XYLT1: variants seen among roughly 807,000 people sequenced by gnomAD.
XYLT1 encodes beta-D-xylosyltransferase 1.
XYLT1 carries 36 observed loss-of-function variants against 91.3 expected under a neutral mutation model. The observed-to-expected ratio is 0.39, with a 90% confidence interval of 0.30 to 0.52. The LOEUF is 0.52. Among genes scored for constraint, XYLT1 ranks in the 20% least tolerant of loss-of-function variants. The probability of loss-of-function intolerance (pLI) is 0.68; values close to 1 mark genes in which losing one functional copy is unlikely to be tolerated. For synonymous variants in XYLT1, 588 were observed against 532.0 expected (o/e 1.11, Z -1.45); for missense variants, 1,242 against 1,284.5 (o/e 0.97, Z 0.51).
At chr16:17,299,629 C>T (rs2034364563) in intron 2 of XYLT1, among the ~76,000 whole-genome samples, 1 of 152,158 alleles carries the variant, frequency 6.6e-6, no homozygotes, top group Admixed American at 6.5e-5. Flanking sequence ...TTAGCCTTGA[C>T]TCTGCCATAG....
chr16:17,233,803 G>C (rs1446388488), intron 3 of XYLT1, among the ~76,000 whole-genome samples: 2 of 152,174 alleles, frequency 1.3e-5, no homozygotes, highest in Non-Finnish European at 2.9e-5. Context: ...GCCTACTCCA[G>C]GCATTGACAT....
At chr16:17,209,780 G>C (rs2032724533) in intron 3 of XYLT1, among the ~76,000 whole-genome samples, 1 of 152,246 alleles carries the variant, frequency 6.6e-6, no homozygotes, top group South Asian at 2.1e-4. Flanking sequence ...AGGAGTTCAT[G>C]TGGTGTGACT....
At chr16:17,360,404 G>GCT (rs1275540501) in intron 1 of XYLT1, among the ~76,000 whole-genome samples, 4 of 152,208 alleles carry the variant, frequency 2.6e-5, no homozygotes, top group Admixed American at 6.5e-5. Context: ...TGAAGCATCA[G>GCT]CTCTCTATTT....
At chr16:17,207,222 TA>T (rs764191888) in intron 3 of XYLT1, among the ~76,000 whole-genome samples, 11 of 152,034 alleles carry the variant, frequency 7.2e-5, no homozygotes, top group Non-Finnish European at 1.2e-4. Flanking sequence ...CACGCCTGGC[TA>T]AATTTTTTGT....
intron 2 of XYLT1, among the ~76,000 whole-genome samples, chr16:17,279,255 T>G (rs1734578924): frequency 6.6e-6 from 1 of 152,258 alleles, no homozygotes; most frequent in South Asian, 2.1e-4. Flanking sequence ...TTGGGCAGGT[T>G]TCCCAGCTGT....
chr16:17,174,647 A>G (rs1001781471), intron 5 of XYLT1, among the ~76,000 whole-genome samples: 4 of 152,202 alleles, frequency 2.6e-5, no homozygotes, highest in African/African-American at 9.6e-5. Flanking sequence ...TGACTGCTTA[A>G]TGGGTACAGG....
At chr16:17,249,256 C>T (rs978032587) in intron 3 of XYLT1, among the ~76,000 whole-genome samples, 24 of 152,138 alleles carry the variant, frequency 1.6e-4, no homozygotes, top group African/African-American at 5.6e-4. Flanking sequence ...CTCAGAATAC[C>T]ACCTCCACAG....
chr16:17,161,127 C>T (rs2031539842), intron 5 of XYLT1, among the ~76,000 whole-genome samples: 1 of 152,206 alleles, frequency 6.6e-6, no homozygotes, highest in South Asian at 2.1e-4. Flanking sequence ...TCAGCGGCTG[C>T]AGTTCCATTT....
At position 17,139,410 on chromosome 16, in the gene XYLT1, A is replaced by ATG. The variant is rs2030894016; in HGVS notation, c.1588-881_1588-880dup. Among the ~76,000 whole-genome samples, 3 of 152,206 alleles carry ATG rather than the reference A, an allele frequency of 2.0e-5. No homozygotes were observed. In the South Asian group the frequency reaches 6.2e-4, roughly 32 times the overall value. On this transcript the variant is annotated intron_variant, in intron 7 of 11. Transcript: ENST00000261381. ...GGACTGAACAGAGACCCTGGAGTAT[A>ATG]TGTGCTTGTGTGTGCTGGGGCCAGG...
intron 2 of XYLT1, among the ~76,000 whole-genome samples, chr16:17,346,571 T>C (rs763313617): frequency 2.6e-5 from 4 of 152,150 alleles, no homozygotes; most frequent in African/African-American, 7.2e-5. Context: ...TTTAAAAATC[T>C]TCCTGAGGCC....
chr16:17,420,978 C>T (rs2036244082), intron 1 of XYLT1, among the ~76,000 whole-genome samples: 1 of 152,180 alleles, frequency 6.6e-6, no homozygotes, highest in Admixed American at 6.5e-5. Flanking sequence ...AAACACCAAA[C>T]ACGAGTCAAC....
chr16:17,227,309 T>C (rs1296587630), intron 3 of XYLT1: 1 of 152,302 alleles, frequency 6.6e-6, no homozygotes, highest in East Asian at 1.9e-4. Context: ...GGGAAGGGCA[T>C]TCCACACAGA....
intron 6 of XYLT1, among the ~76,000 whole-genome samples, chr16:17,144,254 T>C (rs759762755): frequency 4.6e-5 from 7 of 152,206 alleles, no homozygotes; most frequent in South Asian, 2.1e-4. Context: ...GGATAGATAC[T>C]GAATCCATCA....
chr16:17,419,306 C>A (rs763703771), intron 1 of XYLT1, among the ~76,000 whole-genome samples: 1 of 152,002 alleles, frequency 6.6e-6, no homozygotes, highest in East Asian at 1.9e-4. Context: ...GGTACCACTG[C>A]GCTCCAGCCT....
intron 3 of XYLT1, among the ~76,000 whole-genome samples, chr16:17,210,196 T>A (rs2032731634): frequency 1.3e-5 from 2 of 152,186 alleles, no homozygotes; most frequent in South Asian, 4.1e-4. Context: ...TCCATCTAAT[T>A]TTTTTAGAAA....
At chr16:17,449,726 G>C (rs927931593) in intron 1 of XYLT1, among the ~76,000 whole-genome samples, 5 of 152,184 alleles carry the variant, frequency 3.3e-5, no homozygotes, top group Admixed American at 6.5e-5. Context: ...ACAGGACTAT[G>C]CATCAACTAC....
At chr16:17,244,395 G>C (rs2033401012) in intron 3 of XYLT1, among the ~76,000 whole-genome samples, 1 of 152,170 alleles carries the variant, frequency 6.6e-6, no homozygotes, top group South Asian at 2.1e-4. Flanking sequence ...AACCTGAAGA[G>C]GGATCCCAGG....
intron 7 of XYLT1, among the ~76,000 whole-genome samples, chr16:17,139,480 C>T (rs1467554798): frequency 6.6e-6 from 1 of 152,130 alleles, no homozygotes; most frequent in African/African-American, 2.4e-5. Context: ...TCACCAGTAT[C>T]GTGGTGGGCG....
chr16:17,134,007 G>A (rs1044440405), intron 9 of XYLT1, among the ~76,000 whole-genome samples: 15 of 152,288 alleles, frequency 9.8e-5, no homozygotes, highest in Admixed American at 2.0e-4. Flanking sequence ...AAACTGATCC[G>A]GGAGGAGGCG....
Sources: gnomAD v4.1 joint callset for allele counts (sites outside exome capture counted in the v4.1 genomes callset) on GRCh38, gnomAD v4.1.1 for gene constraint, MANE v1.5 for transcripts, NCBI Gene and HGNC (gene_info 2026-07-23, HGNC 2026-07-21) for gene names.